SLC32A1: variants seen among roughly 807,000 people sequenced by gnomAD.
The protein encoded by SLC32A1 is solute carrier family 32 member 1, also known as vesicular inhibitory amino acid transporter.
In SLC32A1, 8 loss-of-function variants were observed where a neutral mutation model predicts 35.5. That is an observed-to-expected ratio of 0.23 (90% confidence interval 0.13 to 0.41). The LOEUF is 0.41. Ranked by LOEUF, SLC32A1 falls within the 10% of genes least tolerant of loss-of-function variation. The pLI, the probability that SLC32A1 is intolerant of heterozygous loss-of-function variation, is 1.00. For missense variants in SLC32A1, 493 were observed against 722.3 expected (o/e 0.68, Z 3.64); for synonymous variants, 317 against 326.3 (o/e 0.97, Z 0.31).
In SLC32A1 at chr20:38,727,444, C is replaced by T. The variant is rs1483718376; in HGVS notation, c.391-8C>T. ...GCGTCCGCGTCTGGTTGCCTCTCCG[C>T]CCCACAGGGCATGTTCGTGCTGGGC... is the stretch of plus-strand genomic sequence containing the variant. On this transcript the variant is annotated splice_region_variant and splice_polypyrimidine_tract_variant and intron_variant, in intron 1 of 1. Coordinates refer to ENST00000217420, the MANE Select transcript of SLC32A1 (RefSeq NM_080552.3). The T allele has an allele frequency of 1.2e-6, 2 of 1,601,246 alleles. No individual in the cohort carries two copies. Among genetic ancestry groups the T allele is most frequent in the African/African-American group, 2.7e-5 (2 of 74,836 alleles).
chr20:38,727,909 C>T lies in SLC32A1; in HGVS notation c.848C>T (p.Ala283Val). 1 of 1,614,248 alleles carries T rather than the reference C, an allele frequency of 6.2e-7. No homozygotes were observed. The highest frequency in any genetic ancestry group is 1.1e-5 in the South Asian group (1 of 91,086). Reference sequence around the variant, plus strand: ...TTCGTCATCAATATCCTGGTCATAGCCTACTGTCTATCGCGGGCGCGCGAC... The same window carrying T: ...TTCGTCATCAATATCCTGGTCATAGTCTACTGTCTATCGCGGGCGCGCGAC... ...AHFVINILVI[A>V]YCLSRARDWA... Residue 283 changes from alanine to valine, a missense_variant, in exon 2 of 2, where the codon GCC (alanine) becomes GTC (valine). Transcript: ENST00000217420.
chr20:38,725,598 G>GC (rs1478539720), intron 1 of SLC32A1, among the ~76,000 whole-genome samples: 1 of 151,972 alleles, frequency 6.6e-6, no homozygotes, highest in Admixed American at 6.6e-5. Flanking sequence ...CATGCCCACA[G>GC]CCCCCCTTCC....
In SLC32A1 at chr20:38,727,868, G is replaced by A; in HGVS notation, c.807G>A (p.Leu269=). ...AGGCCGTGTCCAAGTTCAGTCTGCT[G>A]TGCACTCTGGCCCACTTCGTCATCA... The part of the protein sequence containing the change: ...NLKAVSKFSL[L]CTLAHFVINI... Residue 269 remains leucine, a synonymous_variant, in exon 2 of 2, where the codon CTG becomes CTA. Coordinates refer to ENST00000217420, the MANE Select transcript of SLC32A1 (RefSeq NM_080552.3). 2 of 1,614,230 alleles carry A rather than the reference G, an allele frequency of 1.2e-6. No homozygotes were observed. Among genetic ancestry groups the A allele is most frequent in the Non-Finnish European group, 1.7e-6 (2 of 1,180,048 alleles).
chr20:38,727,427 G>T (rs756808579), intron 1 of SLC32A1, 25 bp from the exon 2 acceptor site: 1 of 1,596,516 alleles, frequency 6.3e-7, no homozygotes, highest in Non-Finnish European at 8.5e-7. Context: ...GAGCGTCCGC[G>T]TCTGGTTGCC....
In SLC32A1 at chr20:38,724,684, C is replaced by T; in HGVS notation, c.-41C>T. 6.5e-7 allele frequency: 1 copy of T among 1,545,812 alleles called. No homozygotes were observed. The highest frequency in any genetic ancestry group is 8.7e-7 in the Non-Finnish European group (1 of 1,149,132). On this transcript the variant is annotated 5_prime_UTR_variant, in exon 1 of 2. Transcript: ENST00000217420. ...CCTTCTTGCATCGCGTTCCCCGCAT[C>T]CTCGGGTCCTTCTGTCCTTTCCGCT...
chr20:38,728,704 C>A lies in SLC32A1; in HGVS notation c.*65C>A. ...CCCTTCTCCCCTCACCCCGCCCCCA[C>A]CAGCCCAGTGCGCCCTGCCGCCGCG... is the stretch of plus-strand genomic sequence containing the variant. On this transcript the variant is annotated 3_prime_UTR_variant, in exon 2 of 2. Transcript: ENST00000217420. The A allele has an allele frequency of 6.9e-7, 1 of 1,445,674 alleles. No homozygotes were observed. Among genetic ancestry groups the A allele is most frequent in the Non-Finnish European group, 9.3e-7 (1 of 1,079,096 alleles). The allele number at this position is 1,445,674 out of a possible 1,614,324, so 89.6% of individuals were successfully genotyped here.
chr20:38,725,627 C>A lies in SLC32A1; in HGVS notation c.390+513C>A, dbSNP rs115218183. ...CCCTTCCCACGAACAAAGGCGCAGG[C>A]ACAGGCGCACACGACATGTATCTAT... is the stretch of plus-strand genomic sequence containing the variant. On this transcript the variant is annotated intron_variant, in intron 1 of 1. Coordinates refer to ENST00000217420, the MANE Select transcript of SLC32A1 (RefSeq NM_080552.3). Among the ~76,000 whole-genome samples, 942 of 152,204 alleles carry A rather than the reference C, an allele frequency of 6.2e-3. 11 individuals are homozygous for A. The highest frequency in any genetic ancestry group is 0.022 in the African/African-American group (893 of 41,516).
chr20:38,724,826 G>A lies in SLC32A1; in HGVS notation c.102G>A (p.Gln34=), dbSNP rs767711669. 6.2e-7 allele frequency: 1 copy of A among 1,613,968 alleles called. No individual in the cohort carries two copies. Among genetic ancestry groups the A allele is most frequent in the Non-Finnish European group, 8.5e-7 (1 of 1,180,002 alleles). The change falls in exon 1 of 2, where the codon CAG becomes CAA. Residue 34 remains glutamine, a synonymous_variant. Coordinates refer to ENST00000217420, the MANE Select transcript of SLC32A1 (RefSeq NM_080552.3). The part of the protein sequence containing the change: ...MSGMFARMGF[Q]AATDEEAVGF... The stretch of plus-strand genomic sequence containing the variant: ...GCATGTTCGCCAGGATGGGTTTTCA[G>A]GCGGCCACGGATGAGGAGGCGGTGG...
chr20:38,725,285 G>C (rs1055887458), intron 1 of SLC32A1, among the ~76,000 whole-genome samples, 171 bp downstream of exon 1: 1 of 152,188 alleles, frequency 6.6e-6, no homozygotes, highest in Admixed American at 6.5e-5. Context: ...GCCCCCAGGC[G>C]GTGTTTTCCG....
rs757775261 is a variant in SLC32A1, at chr20:38,724,732, C to A, written c.8C>A (p.Thr3Asn). The part of the protein sequence containing the change: MA[T>N]LLRSKLSNVA... ...GCTGTCCCCACCGCCGCCATGGCCA[C>A]CTTGCTCCGCAGCAAGCTGTCCAAC... The change falls in exon 1 of 2, where the codon ACC becomes AAC. Residue 3 changes from threonine (T) to asparagine (N), a missense_variant. By Grantham distance (65) the Thr-to-Asn change is moderately conservative (BLOSUM62 0). Around this residue, in one of 4 missense-constraint regions of SLC32A1, gnomAD observed 133 missense variants for 145.9 expected, o/e 0.91. Transcript: ENST00000217420. The A allele has an allele frequency of 1.9e-6, 3 of 1,607,494 alleles. No homozygotes were observed. The highest frequency in any genetic ancestry group is 3.4e-5 in the Admixed American group (2 of 59,584).
At position 38,724,642 on chromosome 20, in the gene SLC32A1, G is replaced by A. The variant is rs1272974925; in HGVS notation, c.-83G>A. The A allele has an allele frequency of 4.0e-6, 6 of 1,493,108 alleles. No individual in the cohort carries two copies. The highest frequency in any genetic ancestry group is 4.4e-6 in the Non-Finnish European group (5 of 1,123,974). The allele number at this position is 1,493,108 out of a possible 1,614,324, so 92.5% of individuals were successfully genotyped here. A position where few individuals can be genotyped will look rare whatever the true frequency, so the allele number is the denominator to read the frequency against. On this transcript the variant is annotated 5_prime_UTR_variant, in exon 1 of 2. Coordinates refer to ENST00000217420, the MANE Select transcript of SLC32A1 (RefSeq NM_080552.3). ...GAGAGCAAGCGGAGATAGCGACTTTGCGCCCCCCAGCCCTCGCCTTCTTGC... is the reference window on the plus strand; with the variant it reads ...GAGAGCAAGCGGAGATAGCGACTTTACGCCCCCCAGCCCTCGCCTTCTTGC...
intron 1 of SLC32A1, 85 bp from the exon 2 acceptor site, chr20:38,727,367 A>T: frequency 7.5e-7 from 1 of 1,328,172 alleles, no homozygotes; most frequent in Non-Finnish European, 1.0e-6. Context: ...CCTTCGGGCC[A>T]CAGCGTTAAG....
intron 1 of SLC32A1, 94 bp downstream of exon 1, chr20:38,725,208 G>A: frequency 7.0e-7 from 1 of 1,427,020 alleles, no homozygotes; most frequent in Non-Finnish European, 9.3e-7. Context: ...ATCTCGGCCT[G>A]GAGACCCCCT....
chr20:38,725,615 C>G lies in SLC32A1; in HGVS notation c.390+501C>G, dbSNP rs189790986. ...TGCCCACAGCCCCCCTTCCCACGAA[C>G]AAAGGCGCAGGCACAGGCGCACACG... On this transcript the variant is annotated intron_variant, in intron 1 of 1. Transcript: ENST00000217420. 1.1e-4 allele frequency among the ~76,000 whole-genome samples: 16 copies of G among 152,268 alleles called. No individual in the cohort carries two copies. The East Asian group carries it at 3.1e-3, about 29-fold the overall frequency.
Position 38,728,856 on chromosome 20 carries a change from A to T in SLC32A1, c.*217A>T. The T allele has an allele frequency of 1.8e-6, 1 of 546,850 alleles. No homozygotes were observed. Among genetic ancestry groups the T allele is most frequent in the South Asian group, 2.9e-5 (1 of 34,886 alleles). 33.9% of individuals were successfully genotyped at this position (546,850 alleles called of 1,614,324 possible). ...GTTTCTGTTGTCCTTTCTTTTCCAC[A>T]ACACCCTGGTTTTGGGGGGAGGCGG... On this transcript the variant is annotated 3_prime_UTR_variant, in exon 2 of 2. Coordinates refer to ENST00000217420, the MANE Select transcript of SLC32A1 (RefSeq NM_080552.3).
chr20:38,725,195 G>T (rs1601181126), intron 1 of SLC32A1, 81 bp downstream of exon 1: 4 of 1,471,552 alleles, frequency 2.7e-6, no homozygotes, highest in Non-Finnish European at 3.6e-6. Context: ...CAGTCGCCCG[G>T]TGATCTCGGC....
rs748843338 is a variant in SLC32A1 at position 38,724,924 on chromosome 20, G to A, written c.200G>A (p.Gly67Glu). The A allele has an allele frequency of 6.2e-7, 1 of 1,613,630 alleles. No homozygotes were observed. Among genetic ancestry groups the A allele is most frequent in the South Asian group, 1.1e-5 (1 of 91,036 alleles). The change falls in exon 1 of 2, where the codon GGA becomes GAA. Residue 67 changes from glycine to glutamate, a missense_variant. Gly to Glu is a moderately conservative substitution (Grantham distance 98, BLOSUM62 -2). Around this residue, in one of 4 missense-constraint regions of SLC32A1, gnomAD observed 133 missense variants for 145.9 expected, o/e 0.91. Transcript: ENST00000217420. ...CAGATGGACATCCTGAAAGCCGAGGGAGAGCCCTGCGGGGACGAGGGCGCT... is the reference window on the plus strand; with the variant it reads ...CAGATGGACATCCTGAAAGCCGAGGAAGAGCCCTGCGGGGACGAGGGCGCT... ...GLQMDILKAE[G>E]EPCGDEGAEA...
chr20:38,728,885 G>A lies in SLC32A1; in HGVS notation c.*246G>A, dbSNP rs2084289015. ...CCCTGGTTTTGGGGGGAGGCGGGGT[G>A]CATTTGCGGGCAGGGTTCTCTGTCC... On this transcript the variant is annotated 3_prime_UTR_variant, in exon 2 of 2. Transcript: ENST00000217420. 2.0e-6 allele frequency: 1 copy of A among 504,616 alleles called. No homozygotes were observed. The highest frequency in any genetic ancestry group is 3.6e-5 in the Admixed American group (1 of 27,684). The allele number at this position is 504,616 out of a possible 1,614,324, so 31.3% of individuals were successfully genotyped here.
chr20:38,728,957 G>T lies in SLC32A1; in HGVS notation c.*318G>T. 3.1e-6 allele frequency: 1 copy of T among 326,288 alleles called. No individual in the cohort carries two copies. The highest frequency in any genetic ancestry group is 5.6e-6 in the Non-Finnish European group (1 of 177,656). 20.2% of individuals were successfully genotyped at this position (326,288 alleles called of 1,614,324 possible). On this transcript the variant is annotated 3_prime_UTR_variant, in exon 2 of 2. Transcript: ENST00000217420. The stretch of plus-strand genomic sequence containing the variant: ...TTTGGTTCCAGTCATCGAGGGGGTT[G>T]GGAAGGGAGGGAGAGGGGGCGCAGC...
Sources: gnomAD v4.1 joint callset for allele counts (sites outside exome capture counted in the v4.1 genomes callset) on GRCh38, gnomAD v4.1.1 for gene constraint, gnomAD v4.1.1 regional missense constraint, MANE v1.5 for transcripts, NCBI Gene and HGNC (gene_info 2026-07-23, HGNC 2026-07-21) for gene names.